Variants in GREM2 observed in about 807,000 individuals in gnomAD.
The protein encoded by GREM2 is gremlin-2.
A neutral mutation model predicts 14.2 loss-of-function variants in GREM2; 11 were observed. The ratio of observed to expected loss-of-function variants is 0.78; its 90% CI spans 0.49 to 1.28. The LOEUF is 1.28. Among genes scored for constraint, GREM2 ranks in the 50% most tolerant of loss-of-function variants. GREM2 has a pLI of 0.00. For synonymous variants in GREM2, 98 were observed against 97.6 expected (o/e 1.00, Z -0.02); for missense variants, 210 against 218.5 (o/e 0.96, Z 0.24).
In GREM2 at chr1:240,589,359, C is replaced by A. The variant is rs371272351; in HGVS notation, c.-2+22525G>T. On this transcript the variant is annotated intron_variant, in intron 1 of 1. Transcript: ENST00000318160. ...CTGAGGGAGAAGAACCGCTTGAACC[C>A]GGGAGGCAGAGGTTGTGTTGAGCTG... Among the ~76,000 whole-genome samples, 70 of 150,870 alleles carry A rather than the reference C, an allele frequency of 4.6e-4. No homozygotes were observed. In the East Asian group the frequency reaches 8.8e-3, roughly 19 times the overall value.
At chr1:240,593,758 T>A (rs1163071971) in intron 1 of GREM2, among the ~76,000 whole-genome samples, 1 of 152,088 alleles carries the variant, frequency 6.6e-6, no homozygotes, top group Non-Finnish European at 1.5e-5. Context: ...TTGTTCTCAG[T>A]GTCTATTAAA....
chr1:240,500,713 C>T (rs535966611), intron 1 of GREM2, among the ~76,000 whole-genome samples: 31 of 152,264 alleles, frequency 2.0e-4, no homozygotes, highest in African/African-American at 6.7e-4. Context: ...CTGTTTATCC[C>T]CACCACTGAA....
intron 1 of GREM2, among the ~76,000 whole-genome samples, chr1:240,535,410 A>C (rs1678451155): frequency 6.6e-6 from 1 of 152,192 alleles, no homozygotes; most frequent in Non-Finnish European, 1.5e-5. Context: ...GAGTTTGTAA[A>C]GAAGAAAGAT....
intron 1 of GREM2, among the ~76,000 whole-genome samples, chr1:240,564,228 G>A (rs1471896787): frequency 6.6e-6 from 1 of 151,340 alleles, no homozygotes; most frequent in East Asian, 2.0e-4. Context: ...AAATAGGGCT[G>A]GGTGTGGTGG....
At chr1:240,547,897 T>C (rs1678771656) in intron 1 of GREM2, among the ~76,000 whole-genome samples, 1 of 151,616 alleles carries the variant, frequency 6.6e-6, no homozygotes, top group Non-Finnish European at 1.5e-5. Flanking sequence ...AGTAAATGCA[T>C]GAGAGAATAC....
At chr1:240,580,254 T>G (rs1679459607) in intron 1 of GREM2, among the ~76,000 whole-genome samples, 2 of 152,146 alleles carry the variant, frequency 1.3e-5, no homozygotes, top group African/African-American at 4.8e-5. Context: ...AATACAAATT[T>G]TTAAAGGTGC....
chr1:240,547,673 T>A (rs911907315), intron 1 of GREM2, among the ~76,000 whole-genome samples: 4 of 151,812 alleles, frequency 2.6e-5, no homozygotes, highest in African/African-American at 4.8e-5. Flanking sequence ...CTGGATTTGA[T>A]CTTGTAAATG....
chr1:240,541,606 G>A (rs1050860870), intron 1 of GREM2, among the ~76,000 whole-genome samples: 7 of 151,196 alleles, frequency 4.6e-5, no homozygotes, highest in Admixed American at 2.0e-4. Context: ...GTTTGGTTGC[G>A]TTAACTCTCA....
rs1171106470 is a variant in GREM2, at chr1:240,540,032, TGA to T, written c.-1-46558_-1-46557del. Among the ~76,000 whole-genome samples the T allele has an allele frequency of 6.6e-6, 1 of 152,228 alleles. No homozygotes were observed. The highest frequency in any genetic ancestry group is 1.9e-4 in the East Asian group (1 of 5,190). On this transcript the variant is annotated intron_variant, in intron 1 of 1. Coordinates refer to ENST00000318160, the MANE Select transcript of GREM2 (RefSeq NM_022469.4). The surrounding 1 kb of genome is among the most constrained non-coding windows in gnomAD (Gnocchi z 4.2). ...TGCCTCAGGATCCCTTGCTATGTGC[TGA>T]GATTTTCTGTCTTATGACATTAGCT...
chr1:240,562,981 T>A (rs1572400275), intron 1 of GREM2, among the ~76,000 whole-genome samples: 1 of 145,460 alleles, frequency 6.9e-6, no homozygotes, highest in African/African-American at 2.7e-5. Flanking sequence ...TGTGTGTATA[T>A]GTAAGTGTGT....
In GREM2 at chr1:240,493,081, A is replaced by G; in HGVS notation, c.395T>C (p.Leu132Pro). ...CAGGCCGGGGCACTCGAGCTCCACGAGGACGGAGGTGACGCGCTGGGGCTT... is the reference window on the plus strand; with the variant it reads ...CAGGCCGGGGCACTCGAGCTCCACGGGGACGGAGGTGACGCGCTGGGGCTT... ...FCKPQRVTSV[L>P]VELECPGLDP... The change falls in exon 2 of 2, where the codon CTC (leucine) becomes CCC (proline). Residue 132 changes from leucine (L) to proline (P), a missense_variant. By Grantham distance (98) the Leu-to-Pro change is moderately conservative. Transcript: ENST00000318160. The G allele has an allele frequency of 6.2e-7, 1 of 1,613,518 alleles. No individual in the cohort carries two copies. The highest frequency in any genetic ancestry group is 8.5e-7 in the Non-Finnish European group (1 of 1,179,494).
chr1:240,585,961 C>T (rs1438467354), intron 1 of GREM2, among the ~76,000 whole-genome samples: 1 of 151,094 alleles, frequency 6.6e-6, no homozygotes, highest in Admixed American at 6.6e-5. Flanking sequence ...ACAATTTTCC[C>T]ACTTGGGCCC....
At chr1:240,603,027 C>T (rs1323055521) in intron 1 of GREM2, among the ~76,000 whole-genome samples, 4 of 151,880 alleles carry the variant, frequency 2.6e-5, no homozygotes, top group African/African-American at 4.8e-5. Flanking sequence ...GAGCTGAGAT[C>T]GCACCATTGC....
chr1:240,490,251 G>A lies in GREM2; in HGVS notation c.*2718C>T, dbSNP rs1225222496. Reference sequence around the variant, plus strand: ...ACTCTGTCTTCAGCTGGCAGGGGATGTGGAAGAGGCTTGGAAGCTTCCAAA... The same window carrying A: ...ACTCTGTCTTCAGCTGGCAGGGGATATGGAAGAGGCTTGGAAGCTTCCAAA... On this transcript the variant is annotated 3_prime_UTR_variant, in exon 2 of 2. Transcript: ENST00000318160. 2.0e-5 allele frequency: 3 copies of A among 152,258 alleles called. No individual in the cohort carries two copies. The highest frequency in any genetic ancestry group is 1.3e-4 in the Admixed American group (2 of 15,286). The allele number at this position is 152,258 out of a possible 1,614,324, so 9.4% of individuals were successfully genotyped here.
At chr1:240,603,531 C>T (rs1679969115) in intron 1 of GREM2, among the ~76,000 whole-genome samples, 1 of 151,952 alleles carries the variant, frequency 6.6e-6, no homozygotes. Context: ...TCTCCCCCTC[C>T]AGCACAAACT....
chr1:240,511,523 G>C (rs1355856858), intron 1 of GREM2, among the ~76,000 whole-genome samples: 1 of 152,192 alleles, frequency 6.6e-6, no homozygotes, highest in Admixed American at 6.5e-5. Context: ...AGCCGAGGCG[G>C]GCGGATAACC....
At chr1:240,555,650 C>T (rs1045936189) in intron 1 of GREM2, among the ~76,000 whole-genome samples, 10 of 152,192 alleles carry the variant, frequency 6.6e-5, no homozygotes, top group African/African-American at 1.7e-4. Context: ...ATGCTGGTAT[C>T]GTGCATATTT....
rs1677288974 is a variant in GREM2, at chr1:240,492,795, C to T, written c.*174G>A. The T allele has an allele frequency of 3.3e-6, 2 of 597,900 alleles. No homozygotes were observed. The highest frequency in any genetic ancestry group is 8.9e-5 in the Admixed American group (2 of 22,528). 37.0% of individuals were successfully genotyped at this position (597,900 alleles called of 1,614,324 possible). On this transcript the variant is annotated 3_prime_UTR_variant, in exon 2 of 2. Transcript: ENST00000318160. ...GGTCAGGAACACATCAGCAAAAGCT[C>T]CACTTGCGATCCACGTCTGTGACAA...
chr1:240,552,354 G>A (rs532888520), intron 1 of GREM2, among the ~76,000 whole-genome samples: 45 of 152,294 alleles, frequency 3.0e-4, no homozygotes, highest in African/African-American at 1.0e-3. Flanking sequence ...GCTGAGGTGG[G>A]GGGGTCGCTT....
Sources: gnomAD v4.1 joint callset for allele counts (sites outside exome capture counted in the v4.1 genomes callset) on GRCh38, gnomAD v4.1.1 for gene constraint, Gnocchi (gnomAD v3.1) non-coding constraint, MANE v1.5 for transcripts, NCBI Gene and HGNC (gene_info 2026-07-23, HGNC 2026-07-21) for gene names.